Variants in MYH3 observed in about 807,000 individuals in gnomAD.
MYH3 encodes the protein myosin-3.
In MYH3, 130 loss-of-function variants were observed where a neutral mutation model predicts 238.0. The ratio of observed to expected loss-of-function variants is 0.55; its 90% CI spans 0.47 to 0.63. MYH3 has a LOEUF of 0.63. Among genes scored for constraint, MYH3 ranks in the 30% least tolerant of loss-of-function variants. MYH3 has a pLI of 0.00. For missense variants in MYH3, 1,853 were observed against 2,374.9 expected, an observed-to-expected ratio of 0.78 and a Z score of 4.57; for synonymous variants, 880 against 924.1, an observed-to-expected ratio of 0.95 and a Z score of 0.86.
intron 36 of MYH3, 103 bp from the exon 37 acceptor site, chr17:10,630,561 A>G: frequency 6.4e-7 from 1 of 1,557,514 alleles, no homozygotes; most frequent in Non-Finnish European, 8.8e-7. Flanking sequence ...GCTAAAGAAA[A>G]AGGACAGGCC....
chr17:10,633,701 G>T lies in MYH3; in HGVS notation c.4537C>A (p.Leu1513Ile). The T allele has an allele frequency of 6.2e-7, 1 of 1,614,002 alleles. No homozygotes were observed. Among genetic ancestry groups the T allele is most frequent in the Non-Finnish European group, 8.5e-7 (1 of 1,180,012 alleles). Residue 1513 changes from leucine (L) to isoleucine (I), a missense_variant, in exon 33 of 41, where the codon CTC (leucine) becomes ATC (isoleucine). This residue lies in a region of MYH3 where 1,044 missense variants were observed against 1,192.6 expected (regional missense o/e 0.88). Coordinates refer to ENST00000583535, the MANE Select transcript of MYH3 (RefSeq NM_002470.4). ...NKNLEQEIADLTEQIAENGKT... is the reference protein window; with the variant it reads ...NKNLEQEIADITEQIAENGKT... ...CCATTTTCAGCAATTTGTTCTGTGA[G>T]ATCTGCTATCTCCTCTGTAAAGAAG...
rs1483000577 is a variant in MYH3, at chr17:10,650,373, C to T, written c.533+1G>A. 3 of 1,611,590 alleles carry T rather than the reference C, an allele frequency of 1.9e-6. No individual in the cohort carries two copies. The highest frequency in any genetic ancestry group is 2.5e-6 in the Non-Finnish European group (3 of 1,177,844). ...AACCACTCTATGCCATGGATACTTA[C>T]GTGATCAGAATGGACTGGTTTTCAC... On this transcript the variant is annotated splice_donor_variant, in intron 6 of 40. Coordinates refer to ENST00000583535, the MANE Select transcript of MYH3 (RefSeq NM_002470.4). LOFTEE classifies it high-confidence loss of function.
the MYH3 span, among the ~76,000 whole-genome samples, chr17:10,663,494 G>A: frequency 6.6e-6 from 1 of 152,140 alleles, no homozygotes; most frequent in Non-Finnish European, 1.5e-5. Context: ...AAGGGGACAG[G>A]AGGGCCAAAG....
the MYH3 span, among the ~76,000 whole-genome samples, chr17:10,671,878 G>A: frequency 6.6e-6 from 1 of 152,094 alleles, no homozygotes; most frequent in Admixed American, 6.6e-5. Context: ...TGTAATCCCA[G>A]GGTGGGAACA....
the MYH3 span, among the ~76,000 whole-genome samples, chr17:10,668,482 C>G: frequency 1.3e-5 from 2 of 152,006 alleles, no homozygotes; most frequent in Non-Finnish European, 2.9e-5. Flanking sequence ...AAATGCAATA[C>G]TACATGAACC....
At chr17:10,646,094 C>T in intron 10 of MYH3, 62 bp from the exon 11 acceptor site, 2 of 1,383,136 alleles carry the variant, frequency 1.4e-6, no homozygotes, top group African/African-American at 1.4e-5. Flanking sequence ...ACCCAGTGGA[C>T]TTGAGCTCCT....
intron 17 of MYH3, among the ~76,000 whole-genome samples, chr17:10,641,578 A>G (rs1214346935): frequency 7.0e-6 from 1 of 143,590 alleles, no homozygotes; most frequent in East Asian, 2.0e-4. Flanking sequence ...GCAGTGGCTC[A>G]ATCTTGGCTC....
Position 10,638,901 on chromosome 17 carries a change from T to G in MYH3, c.3311A>C (p.Gln1104Pro), listed in dbSNP as rs2074242922. 6.2e-7 allele frequency: 1 copy of G among 1,614,036 alleles called. No individual in the cohort carries two copies. The highest frequency in any genetic ancestry group is 1.3e-5 in the African/African-American group (1 of 74,924). ...KVEDEQTLGL[Q>P]FQKKIKELQA... ...CAACTCTTTGATTTTCTTCTGAAAC[T>G]GGAGGCCCAGTGTCTGCTCATCTTC... The change falls in exon 26 of 41, where the codon CAG (glutamine) becomes CCG (proline). Residue 1104 changes from glutamine (Q) to proline (P), a missense_variant. Around this residue, in one of 3 missense-constraint regions of MYH3, gnomAD observed 1,044 missense variants for 1,192.6 expected, o/e 0.88. Coordinates refer to ENST00000583535, the MANE Select transcript of MYH3 (RefSeq NM_002470.4).
In MYH3 at chr17:10,654,214, C is replaced by T. The variant is rs1464218914; in HGVS notation, c.204+647G>A. On this transcript the variant is annotated intron_variant, in intron 3 of 40. Transcript: ENST00000583535. The surrounding 1 kb of genome is among the most constrained non-coding windows in gnomAD (Gnocchi z 4.5). Reference sequence around the variant, plus strand: ...CCTTCTTTCTTTCCTTCCTTCCTTCCCTCCATCTCTCTTTCACTCTTTCTT... The same window carrying T: ...CCTTCTTTCTTTCCTTCCTTCCTTCTCTCCATCTCTCTTTCACTCTTTCTT... Among the ~76,000 whole-genome samples, 2 of 150,120 alleles carry T rather than the reference C, an allele frequency of 1.3e-5. No individual in the cohort carries two copies. Among genetic ancestry groups the T allele is most frequent in the Non-Finnish European group, 3.0e-5 (2 of 67,756 alleles).
At chr17:10,667,673 C>T in the MYH3 span, among the ~76,000 whole-genome samples, 2 of 129,162 alleles carry the variant, frequency 1.5e-5, no homozygotes, top group Admixed American at 8.1e-5. Flanking sequence ...CAGAGCAAGA[C>T]TCTGTCTAAA....
At chr17:10,668,537 GA>G in the MYH3 span, among the ~76,000 whole-genome samples, 1 of 152,000 alleles carries the variant, frequency 6.6e-6, no homozygotes. Context: ...AAAAGGAAAG[GA>G]AAAAAAGAAC....
At chr17:10,657,343 CCA>C (rs1357285926), upstream of MYH3, 2 of 152,200 alleles carry the variant, frequency 1.3e-5, no homozygotes, top group Non-Finnish European at 2.9e-5. Context: ...CTTTTATAGG[CCA>C]TTGGTAACCC....
Position 10,632,744 on chromosome 17 carries a change from T to A in MYH3, c.4688A>T (p.Gln1563Leu), listed in dbSNP as rs867172851. 6.2e-7 allele frequency: 1 copy of A among 1,614,258 alleles called. No individual in the cohort carries two copies. Among genetic ancestry groups the A allele is most frequent in the South Asian group, 1.1e-5 (1 of 91,082 alleles). Residue 1563 changes from glutamine to leucine, a missense_variant, in exon 34 of 41, where the codon CAG becomes CTG. Transcript: ENST00000583535. ...TGATTTCACTTGTGTCAATTCAAGC[T>A]GGATTCGGAGGATCTTGGCTTCTTC... ...EHEEAKILRI[Q>L]LELTQVKSEI...
chr17:10,652,985 G>C (rs538202333), intron 3 of MYH3, among the ~76,000 whole-genome samples: 1 of 152,042 alleles, frequency 6.6e-6, no homozygotes, highest in Non-Finnish European at 1.5e-5. Flanking sequence ...GAGATGGAAG[G>C]GCCAAACCCT....
chr17:10,649,756 T>C (rs2074357457), intron 6 of MYH3, 71 bp from the exon 7 acceptor site: 2 of 1,376,638 alleles, frequency 1.5e-6, no homozygotes, highest in Non-Finnish European at 2.1e-6. Flanking sequence ...CAGGATGTCA[T>C]ACTGAGGCCT....
At chr17:10,659,909 G>A (rs755615091), upstream of MYH3, among the ~76,000 whole-genome samples, 2 of 152,236 alleles carry the variant, frequency 1.3e-5, no homozygotes, top group Admixed American at 1.3e-4. Context: ...CGGCAGTCTG[G>A]AGAGCAGTTG....
chr17:10,647,512 C>A, intron 8 of MYH3, 86 bp from the exon 9 acceptor site: 7 of 1,410,722 alleles, frequency 5.0e-6, no homozygotes, highest in Non-Finnish European at 7.0e-6. Context: ...TGAGTAGGAG[C>A]CTAGTCCCCC....
chr17:10,654,996 CT>C lies in MYH3; in HGVS notation c.68del (p.Glu23GlyfsTer58). ...AAPFLRKSEKERIEAQNQPFD... is the reference protein window; with the variant it reads ...AAPFLRKSEKXRIEAQNQPFD... ...AGGGCTGGTTCTGAGCCTCGATCCTCTCCTTTTCTGACTTCCGGAGGAAAGG... is the reference window on the plus strand; with the variant it reads ...AGGGCTGGTTCTGAGCCTCGATCCTCCCTTTTCTGACTTCCGGAGGAAAGG... On this transcript the variant is annotated frameshift_variant, in exon 3 of 41. Transcript: ENST00000583535. LOFTEE classifies it high-confidence loss of function. The surrounding 1 kb of genome is among the most constrained non-coding windows in gnomAD (Gnocchi z 4.5). 1 of 1,614,218 alleles carries C rather than the reference CT, an allele frequency of 6.2e-7. No homozygotes were observed. The highest frequency in any genetic ancestry group is 8.5e-7 in the Non-Finnish European group (1 of 1,180,032).
At chr17:10,630,529 A>G (rs1010296383) in intron 36 of MYH3, 71 bp from the exon 37 acceptor site, 35 of 1,598,086 alleles carry the variant, frequency 2.2e-5, no homozygotes, top group African/African-American at 2.7e-5. Flanking sequence ...AAACCTGGGG[A>G]CCTCGGAGGA....
Sources: allele counts gnomAD v4.1 joint callset (sites outside exome capture counted in the v4.1 genomes callset), GRCh38; gene constraint gnomAD v4.1.1; regional missense constraint gnomAD v4.1.1; non-coding constraint Gnocchi (gnomAD v3.1); transcripts MANE v1.5; gene names NCBI Gene and HGNC (gene_info 2026-07-23, HGNC 2026-07-21).